Variants in HDHD2 observed in about 807,000 individuals in gnomAD.
The protein encoded by HDHD2 is haloacid dehalogenase like hydrolase domain containing 2.
A neutral mutation model predicts 24.8 loss-of-function variants in HDHD2; 26 were observed. The observed-to-expected ratio is 1.05, with a 90% CI of 0.77 to 1.45. HDHD2 has a LOEUF of 1.45. Among genes scored for constraint, HDHD2 ranks in the 40% most tolerant of loss-of-function variants. HDHD2 has a pLI of 0.00. For synonymous variants in HDHD2, 128 were observed against 114.9 expected (o/e 1.11, Z -0.73); for missense variants, 299 against 313.4 (o/e 0.95, Z 0.35).
Position 47,108,526 on chromosome 18 carries a change from T to C in HDHD2, c.*156A>G, listed in dbSNP as rs2063490847. The C allele has an allele frequency of 4.1e-6, 2 of 484,286 alleles. No homozygotes were observed. The highest frequency in any genetic ancestry group is 2.0e-5 in the African/African-American group (1 of 49,726). The allele number at this position is 484,286 out of a possible 1,614,324, so 30.0% of individuals were successfully genotyped here. ...AGCAAGGCTTACTGGCTAGCCGCAA[T>C]TCAATACCTTTCTTTCTAATTAATG... On this transcript the variant is annotated 3_prime_UTR_variant, in exon 7 of 7. Transcript: ENST00000300605.
intron 3 of HDHD2, among the ~76,000 whole-genome samples, chr18:47,134,232 ACAG>A (rs2063741508): frequency 6.6e-6 from 1 of 152,244 alleles, no homozygotes; most frequent in African/African-American, 2.4e-5. Context: ...TGCATGTTAT[ACAG>A]CAAGAGTAAG....
intron 5 of HDHD2, 26 bp from the exon 6 acceptor site, chr18:47,113,066 A>G (rs1483978843): frequency 4.4e-6 from 7 of 1,605,948 alleles, no homozygotes; most frequent in African/African-American, 2.7e-5. Context: ...GAAAGCATTT[A>G]GTCCAGTGTC....
intron 4 of HDHD2, among the ~76,000 whole-genome samples, chr18:47,127,969 T>C (rs1433268595): frequency 6.6e-6 from 1 of 152,202 alleles, no homozygotes; most frequent in African/African-American, 2.4e-5. Flanking sequence ...CGGTGGTTCA[T>C]TTAAGATGTC....
At chr18:47,136,130 G>C (rs1472185861) in intron 2 of HDHD2, among the ~76,000 whole-genome samples, 1 of 152,074 alleles carries the variant, frequency 6.6e-6, no homozygotes, top group African/African-American at 2.4e-5. Flanking sequence ...AAAAAGACTG[G>C]ATCAAAAGGC....
chr18:47,145,491 T>C (rs186182186), intron 1 of HDHD2, among the ~76,000 whole-genome samples: 3 of 152,260 alleles, frequency 2.0e-5, no homozygotes, highest in African/African-American at 4.8e-5. Context: ...AATTCATATA[T>C]GATAGAAGTA....
rs1439908074 is a variant in HDHD2 at position 47,108,727 on chromosome 18, C to CT, written c.734dup (p.Ser246GlufsTer50). 6.2e-7 allele frequency: 1 copy of CT among 1,611,478 alleles called. No homozygotes were observed. The highest frequency in any genetic ancestry group is 1.1e-5 in the South Asian group (1 of 90,796). ...TGTGGTCCACAGCATGAGGGAAACTCTCACAAGTTAAGTAAGGAGGTGGAT... is the reference window on the plus strand; with the variant it reads ...TGTGGTCCACAGCATGAGGGAAACTCTTCACAAGTTAAGTAAGGAGGTGGAT... On this transcript the variant is annotated frameshift_variant, in exon 7 of 7. Coordinates refer to ENST00000300605, the MANE Select transcript of HDHD2 (RefSeq NM_032124.5). LOFTEE classifies it high-confidence loss of function.
chr18:47,110,806 AT>A lies in HDHD2; in HGVS notation c.677-2022del, dbSNP rs758651669. On this transcript the variant is annotated intron_variant, in intron 6 of 6. Transcript: ENST00000300605. ...ATATATGAAGGCAAAGAAAGATCCT[AT>A]TTTTTTTCTAGATGACTGTTTCACA... 4 of 984,380 alleles carry A rather than the reference AT, an allele frequency of 4.1e-6. No individual in the cohort carries two copies. In the Admixed American group the frequency reaches 1.8e-4, roughly 45 times the overall value. 61.0% of individuals were successfully genotyped at this position (984,380 alleles called of 1,614,324 possible).
chr18:47,142,884 A>G (rs934885398), intron 1 of HDHD2, among the ~76,000 whole-genome samples: 3 of 152,128 alleles, frequency 2.0e-5, no homozygotes, highest in African/African-American at 7.2e-5. Flanking sequence ...ACTAACAAAG[A>G]TTTGTTACTA....
intron 6 of HDHD2, chr18:47,110,200 C>T: frequency 1.0e-6 from 1 of 985,428 alleles, no homozygotes; most frequent in Non-Finnish European, 1.2e-6. Flanking sequence ...CCTGAAAAAC[C>T]CTCTTTTCCA....
chr18:47,117,525 C>T (rs1405064342), intron 4 of HDHD2, among the ~76,000 whole-genome samples: 1 of 152,188 alleles, frequency 6.6e-6, no homozygotes, highest in Non-Finnish European at 1.5e-5. Flanking sequence ...GCCCTTCAAC[C>T]TTGAACTTCC....
chr18:47,139,147 A>C (rs2063795624), intron 1 of HDHD2, among the ~76,000 whole-genome samples: 1 of 152,030 alleles, frequency 6.6e-6, no homozygotes, highest in South Asian at 2.1e-4. Flanking sequence ...TTTGGCTGTT[A>C]ATTTGTATCC....
chr18:47,126,817 T>TA (rs1484476628), intron 4 of HDHD2, among the ~76,000 whole-genome samples: 1 of 152,050 alleles, frequency 6.6e-6, no homozygotes, highest in Non-Finnish European at 1.5e-5. Context: ...AAAGAAAGCA[T>TA]AAATACTGCT....
chr18:47,120,295 T>A (rs948006284), intron 4 of HDHD2, among the ~76,000 whole-genome samples: 1 of 152,262 alleles, frequency 6.6e-6, no homozygotes, highest in African/African-American at 2.4e-5. Context: ...GATCTCTGGA[T>A]AACATGCTGT....
chr18:47,108,588 C>G lies in HDHD2; in HGVS notation c.*94G>C. 1 of 684,066 alleles carries G rather than the reference C, an allele frequency of 1.5e-6. No homozygotes were observed. The highest frequency in any genetic ancestry group is 1.9e-5 in the South Asian group (1 of 52,870). 42.4% of individuals were successfully genotyped at this position (684,066 alleles called of 1,614,324 possible). A position where few individuals can be genotyped will look rare whatever the true frequency, so the allele number is the denominator to read the frequency against. On this transcript the variant is annotated 3_prime_UTR_variant, in exon 7 of 7. Coordinates refer to ENST00000300605, the MANE Select transcript of HDHD2 (RefSeq NM_032124.5). ...AGGGTTAAAAAGCGATCAGCACTGA[C>G]TGGTGTCTACCGATGCTGGCACTGA...
chr18:47,136,640 AG>A (rs1402331539), intron 1 of HDHD2, among the ~76,000 whole-genome samples, 191 bp from the exon 2 acceptor site: 2 of 148,818 alleles, frequency 1.3e-5, no homozygotes, highest in South Asian at 2.1e-4. Context: ...TACAATACTT[AG>A]GTTTTTTTTT....
Position 47,111,384 on chromosome 18 carries a change from A to T in HDHD2, c.676+1593T>A, listed in dbSNP as rs2063515023. 6 of 976,646 alleles carry T rather than the reference A, an allele frequency of 6.1e-6. No individual in the cohort carries two copies. In the South Asian group the frequency reaches 2.8e-4, roughly 46 times the overall value. 60.5% of individuals were successfully genotyped at this position (976,646 alleles called of 1,614,324 possible). A position where few individuals can be genotyped will look rare whatever the true frequency, so the allele number is the denominator to read the frequency against. On this transcript the variant is annotated intron_variant, in intron 6 of 6. Coordinates refer to ENST00000300605, the MANE Select transcript of HDHD2 (RefSeq NM_032124.5). ...ACATGAGCTAAAAAAAAAAAAAAAG[A>T]AAGAAAGAAAGAAAGAAATACTCAT...
At chr18:47,120,146 G>A (rs548188965) in intron 4 of HDHD2, among the ~76,000 whole-genome samples, 3 of 152,202 alleles carry the variant, frequency 2.0e-5, no homozygotes, top group African/African-American at 7.2e-5. Flanking sequence ...CCCGTCCTTT[G>A]AAGCTTTGAA....
chr18:47,111,880 TCTTTGA>T (rs1284864334), intron 6 of HDHD2: 3 of 778,082 alleles, frequency 3.9e-6, no homozygotes, highest in African/African-American at 1.9e-5. Context: ...TTGTAACTCT[TCTTTGA>T]CTTTATGTTT....
chr18:47,113,492 C>T (rs1818984219), intron 5 of HDHD2, among the ~76,000 whole-genome samples: 1 of 152,146 alleles, frequency 6.6e-6, no homozygotes, highest in South Asian at 2.1e-4. Context: ...ATTGTCCTAA[C>T]AGGTAGAATC....
Sources: gnomAD v4.1 joint callset for allele counts (sites outside exome capture counted in the v4.1 genomes callset) on GRCh38, gnomAD v4.1.1 for gene constraint, MANE v1.5 for transcripts, NCBI Gene and HGNC (gene_info 2026-07-23, HGNC 2026-07-21) for gene names.